The following NXPH1 variants were observed in gnomAD, a reference collection of about 807,000 sequenced individuals.
The protein encoded by NXPH1 is neurexophilin-1.
A neutral mutation model predicts 23.7 loss-of-function variants in NXPH1; 5 were observed. The ratio of observed to expected loss-of-function variants is 0.21; its 90% CI spans 0.11 to 0.44. The LOEUF (loss-of-function observed/expected upper bound fraction) is 0.44. Ranked by LOEUF, NXPH1 falls within the 20% of genes least tolerant of loss-of-function variation. The probability of loss-of-function intolerance (pLI) is 0.99; values close to 1 mark genes in which losing one functional copy is unlikely to be tolerated. For synonymous variants in NXPH1, 144 were observed against 122.2 expected (o/e 1.18, Z -1.18); for missense variants, 324 against 321.6 (o/e 1.01, Z -0.06).
chr7:8,664,176 A>ACCCTTCTTC (rs1425210807), intron 2 of NXPH1, among the ~76,000 whole-genome samples: 1 of 152,062 alleles, frequency 6.6e-6, no homozygotes, highest in Non-Finnish European at 1.5e-5. Flanking sequence ...AGCGAAGGGT[A>ACCCTTCTTC]AGCTTATCCC....
intron 2 of NXPH1, among the ~76,000 whole-genome samples, chr7:8,533,985 G>C (rs1817989283): frequency 6.6e-6 from 1 of 152,096 alleles, no homozygotes. Context: ...AAACAAGCAA[G>C]ATAATTCATT....
At chr7:8,651,980 G>T (rs185009919) in intron 2 of NXPH1, among the ~76,000 whole-genome samples, 136 of 152,128 alleles carry the variant, frequency 8.9e-4, no homozygotes, top group African/African-American at 3.3e-3. Flanking sequence ...AACAATATAA[G>T]GCCATTGATC....
intron 2 of NXPH1, among the ~76,000 whole-genome samples, chr7:8,728,746 T>C (rs987594349): frequency 1.3e-5 from 2 of 152,234 alleles, no homozygotes; most frequent in South Asian, 4.1e-4. Context: ...TTTGCCAGTA[T>C]TTTATTGAGG....
chr7:8,625,339 C>T (rs939497348), intron 2 of NXPH1, among the ~76,000 whole-genome samples: 10 of 152,188 alleles, frequency 6.6e-5, no homozygotes, highest in South Asian at 2.1e-4. Flanking sequence ...TTGGCAATTT[C>T]TGGTAGGAAG....
chr7:8,635,648 G>C (rs1350817224), intron 2 of NXPH1, among the ~76,000 whole-genome samples: 1 of 152,162 alleles, frequency 6.6e-6, no homozygotes, highest in Non-Finnish European at 1.5e-5. Context: ...ATGACACCGG[G>C]TCTAAAAGCA....
intron 2 of NXPH1, among the ~76,000 whole-genome samples, chr7:8,667,306 A>AT (rs1278422164): frequency 2.6e-5 from 4 of 151,236 alleles, no homozygotes; most frequent in East Asian, 1.9e-4. Context: ...TTAGTGTCCC[A>AT]TTTTTTTTCA....
intron 2 of NXPH1, among the ~76,000 whole-genome samples, chr7:8,603,168 A>C (rs1438687625): frequency 7.9e-5 from 12 of 152,130 alleles, no homozygotes; most frequent in Non-Finnish European, 1.5e-5. Flanking sequence ...AATGCCTAAG[A>C]GATATTTGTT....
chr7:8,624,409 C>A (rs1819944511), intron 2 of NXPH1, among the ~76,000 whole-genome samples: 1 of 152,084 alleles, frequency 6.6e-6, no homozygotes, highest in South Asian at 2.1e-4. Context: ...TCAGACACAG[C>A]AGATGGCAGT....
In NXPH1 at chr7:8,435,811, C is replaced by A. The variant is rs755475617; in HGVS notation, c.54+44C>A. On this transcript the variant is annotated intron_variant, in intron 2 of 2. Coordinates refer to ENST00000405863, the MANE Select transcript of NXPH1 (RefSeq NM_152745.3). This position sits in a 1 kb window ranked among gnomAD's most constrained non-coding sequence, Gnocchi z 5.9. ...GGGGCTTTCGCATTTTTACCCCGGC[C>A]GGGAGGCAAGGAAACTGGGGACACG... The A allele has an allele frequency of 2.5e-5, 40 of 1,592,478 alleles. No individual in the cohort carries two copies. In the Middle Eastern group the frequency reaches 1.2e-3, roughly 47 times the overall value.
rs1817604321 is a variant in NXPH1, at chr7:8,511,097, CA to C, written c.54+75335del. Among the ~76,000 whole-genome samples, 6 of 152,042 alleles carry C rather than the reference CA, an allele frequency of 3.9e-5. No homozygotes were observed. In the South Asian group the frequency reaches 1.0e-3, roughly 26 times the overall value. On this transcript the variant is annotated intron_variant, in intron 2 of 2. Coordinates refer to ENST00000405863, the MANE Select transcript of NXPH1 (RefSeq NM_152745.3). ...ATAGAGCTTGGTTTAACCTGGAATC[CA>C]AAAAGAATAGGACTTGAATTACAAT... is the stretch of plus-strand genomic sequence containing the variant.
At chr7:8,595,331 A>C (rs1819198634) in intron 2 of NXPH1, among the ~76,000 whole-genome samples, 1 of 152,124 alleles carries the variant, frequency 6.6e-6, no homozygotes, top group African/African-American at 2.4e-5. Context: ...AATGAATTTT[A>C]GTGCATTTAA....
chr7:8,578,461 A>G (rs563640196), intron 2 of NXPH1, among the ~76,000 whole-genome samples: 25 of 152,342 alleles, frequency 1.6e-4, no homozygotes, highest in African/African-American at 4.6e-4. Context: ...CGAGCTTTTC[A>G]GAATTCATGC....
At chr7:8,533,298 T>A (rs1188644568) in intron 2 of NXPH1, among the ~76,000 whole-genome samples, 2 of 152,180 alleles carry the variant, frequency 1.3e-5, no homozygotes, top group Admixed American at 6.5e-5. Context: ...CTGGTTAATC[T>A]GTTGTTCTTT....
At chr7:8,726,385 G>A (rs1328125648) in intron 2 of NXPH1, among the ~76,000 whole-genome samples, 1 of 150,374 alleles carries the variant, frequency 6.7e-6, no homozygotes, top group Non-Finnish European at 1.5e-5. Context: ...TGCACAATGT[G>A]CAGGTTAGTT....
chr7:8,514,049 T>C (rs1817653442), intron 2 of NXPH1, among the ~76,000 whole-genome samples: 1 of 152,110 alleles, frequency 6.6e-6, no homozygotes, highest in Admixed American at 6.6e-5. Context: ...TCCCAATTGT[T>C]CCTTTTTATA....
At chr7:8,480,372 C>T (rs1817052889) in intron 2 of NXPH1, among the ~76,000 whole-genome samples, 1 of 152,160 alleles carries the variant, frequency 6.6e-6, no homozygotes, top group African/African-American at 2.4e-5. Context: ...TATTAAATGC[C>T]TACAGTTCAA....
chr7:8,681,574 A>G (rs1821049127), intron 2 of NXPH1, among the ~76,000 whole-genome samples: 1 of 152,172 alleles, frequency 6.6e-6, no homozygotes. Context: ...AAGTCACAGG[A>G]TTTCTAGGAA....
At chr7:8,617,519 C>A (rs1175932143) in intron 2 of NXPH1, among the ~76,000 whole-genome samples, 2 of 152,040 alleles carry the variant, frequency 1.3e-5, no homozygotes, top group African/African-American at 2.4e-5. Context: ...ACAGGTGGAA[C>A]TGGAGATCGT....
At chr7:8,493,355 C>G (rs890073530) in intron 2 of NXPH1, among the ~76,000 whole-genome samples, 2 of 152,004 alleles carry the variant, frequency 1.3e-5, no homozygotes, top group Non-Finnish European at 2.9e-5. Flanking sequence ...AGGGTTCAAA[C>G]TCAGTACTTC....
Sources: gnomAD v4.1 joint callset for allele counts (sites outside exome capture counted in the v4.1 genomes callset) on GRCh38, gnomAD v4.1.1 for gene constraint, Gnocchi (gnomAD v3.1) non-coding constraint, MANE v1.5 for transcripts, NCBI Gene and HGNC (gene_info 2026-07-23, HGNC 2026-07-21) for gene names.